The following LDB2 variants were observed in gnomAD, a reference collection of about 807,000 sequenced individuals.
The protein encoded by LDB2 is LIM domain binding 2, also known as LIM domain-binding protein 2.
LDB2 carries 12 observed loss-of-function variants against 44.3 expected under a neutral mutation model. The observed-to-expected ratio is 0.27, with a 90% confidence interval of 0.17 to 0.44. The LOEUF (loss-of-function observed/expected upper bound fraction) is 0.44, where lower values mean the gene tolerates loss of function less well. Ranked by LOEUF, LDB2 falls within the 20% of genes least tolerant of loss-of-function variation. The pLI is 1.00. For synonymous variants in LDB2, 164 were observed against 174.8 expected (o/e 0.94, Z 0.49); for missense variants, 344 against 473.5 (o/e 0.73, Z 2.54).
At chr4:16,536,071 C>T (rs906127836) in intron 5 of LDB2, among the ~76,000 whole-genome samples, 21 of 152,266 alleles carry the variant, frequency 1.4e-4, no homozygotes, top group Admixed American at 5.2e-4. Flanking sequence ...GAAAGCTGGA[C>T]GGAGCACTAG....
rs188909112 is a variant in LDB2 at position 16,530,303 on chromosome 4, G to A, written c.616-18199C>T. Reference sequence around the variant, plus strand: ...CCTTTTCACCATGCCATGACACATGGTAACACTTTCCCCTTTTCAAATAGG... The same window carrying A: ...CCTTTTCACCATGCCATGACACATGATAACACTTTCCCCTTTTCAAATAGG... On this transcript the variant is annotated intron_variant, in intron 5 of 7. Coordinates refer to ENST00000304523, the MANE Select transcript of LDB2 (RefSeq NM_001290.5). 1.7e-4 allele frequency among the ~76,000 whole-genome samples: 26 copies of A among 152,294 alleles called. No individual in the cohort carries two copies. The East Asian group carries it at 5.0e-3, about 29-fold the overall frequency.
chr4:16,645,721 T>C (rs1157969440), intron 2 of LDB2, among the ~76,000 whole-genome samples: 1 of 152,094 alleles, frequency 6.6e-6, no homozygotes, highest in African/African-American at 2.4e-5. Flanking sequence ...CTTTTTCTAT[T>C]TGGCACATCC....
At chr4:16,596,039 G>A (rs947705608) in intron 2 of LDB2, among the ~76,000 whole-genome samples, 164 bp from the exon 3 acceptor site, 2 of 152,088 alleles carry the variant, frequency 1.3e-5, no homozygotes, top group African/African-American at 4.8e-5. Context: ...CTTCTGGGTT[G>A]CAGTTAATAA....
At chr4:16,722,824 C>CA (rs574890817) in intron 2 of LDB2, among the ~76,000 whole-genome samples, 74 of 152,148 alleles carry the variant, frequency 4.9e-4, no homozygotes, top group African/African-American at 1.7e-3. Context: ...GTCTGTTTGG[C>CA]ATGATGAGAA....
At chr4:16,852,540 T>C (rs545648129) in intron 1 of LDB2, among the ~76,000 whole-genome samples, 1 of 152,326 alleles carries the variant, frequency 6.6e-6, no homozygotes, top group South Asian at 2.1e-4. Flanking sequence ...ACCAATTACA[T>C]ATTCCATTGG....
intron 5 of LDB2, among the ~76,000 whole-genome samples, chr4:16,517,597 T>A (rs1724250458): frequency 6.6e-6 from 1 of 152,098 alleles, no homozygotes; most frequent in Admixed American, 6.6e-5. Flanking sequence ...CCATGAGGAA[T>A]CCCAGGACGC....
chr4:16,543,485 T>C (rs1560421164), intron 5 of LDB2, among the ~76,000 whole-genome samples: 1 of 152,250 alleles, frequency 6.6e-6, no homozygotes, highest in Non-Finnish European at 1.5e-5. Context: ...TGAGATGGTA[T>C]CTCATTGTGG....
At chr4:16,839,231 G>T (rs1312202478) in intron 1 of LDB2, among the ~76,000 whole-genome samples, 1 of 152,172 alleles carries the variant, frequency 6.6e-6, no homozygotes. Flanking sequence ...TCATAATTCT[G>T]CTGGCTAGAA....
intron 5 of LDB2, among the ~76,000 whole-genome samples, chr4:16,557,375 G>A (rs186186079): frequency 1.9e-4 from 29 of 152,306 alleles, no homozygotes; most frequent in East Asian, 5.8e-4. Flanking sequence ...GCACTTTTCC[G>A]ACGGGCTTAA....
intron 1 of LDB2, among the ~76,000 whole-genome samples, chr4:16,802,807 A>T (rs1421028933): frequency 1.3e-5 from 2 of 152,124 alleles, no homozygotes; most frequent in Non-Finnish European, 2.9e-5. Flanking sequence ...AGTTTATGTG[A>T]GAGGCTCTAA....
At chr4:16,725,035 T>C (rs926579742) in intron 2 of LDB2, among the ~76,000 whole-genome samples, 3 of 152,166 alleles carry the variant, frequency 2.0e-5, no homozygotes, top group Non-Finnish European at 4.4e-5. Flanking sequence ...CCGAAACTAG[T>C]AACTCCAATT....
At chr4:16,503,785 A>C (rs1436056498) in intron 7 of LDB2, among the ~76,000 whole-genome samples, 1 of 151,984 alleles carries the variant, frequency 6.6e-6, no homozygotes, top group Non-Finnish European at 1.5e-5. Context: ...CCATCTAATC[A>C]CTCTTTTAAG....
intron 1 of LDB2, among the ~76,000 whole-genome samples, chr4:16,879,993 C>T (rs551144293): frequency 3.9e-5 from 6 of 152,286 alleles, no homozygotes; most frequent in African/African-American, 9.6e-5. Flanking sequence ...CAGCCAACCA[C>T]ATCCTATTCC....
intron 2 of LDB2, among the ~76,000 whole-genome samples, chr4:16,612,869 T>C (rs1346361364): frequency 3.3e-5 from 5 of 152,184 alleles, no homozygotes; most frequent in African/African-American, 1.2e-4. Context: ...GGCATCATCC[T>C]GATACCCAAA....
intron 1 of LDB2, among the ~76,000 whole-genome samples, chr4:16,865,720 TG>T (rs1338019368): frequency 2.6e-5 from 4 of 152,234 alleles, no homozygotes; most frequent in African/African-American, 7.2e-5. Flanking sequence ...ACAGTCACTC[TG>T]GGGATAATCC....
chr4:16,568,013 G>T (rs1311799545), intron 5 of LDB2, among the ~76,000 whole-genome samples: 1 of 152,084 alleles, frequency 6.6e-6, no homozygotes, highest in Non-Finnish European at 1.5e-5. Context: ...AGAACCAAGT[G>T]GTGGCCTGTT....
chr4:16,772,729 C>A (rs543069905), intron 1 of LDB2, among the ~76,000 whole-genome samples: 2 of 151,978 alleles, frequency 1.3e-5, no homozygotes, highest in African/African-American at 2.4e-5. Context: ...TAGAAAAAAA[C>A]ACACACACAA....
At chr4:16,716,726 C>T (rs915162415) in intron 2 of LDB2, among the ~76,000 whole-genome samples, 4 of 152,112 alleles carry the variant, frequency 2.6e-5, no homozygotes, top group African/African-American at 4.8e-5. Context: ...CATCCCATAC[C>T]GTACCCTAGA....
At chr4:16,570,293 C>T (rs998820018) in intron 5 of LDB2, among the ~76,000 whole-genome samples, 6 of 151,030 alleles carry the variant, frequency 4.0e-5, no homozygotes. Flanking sequence ...GAAACCCCAT[C>T]TCTACTAAAA....
Sources: gnomAD v4.1 joint callset for allele counts (sites outside exome capture counted in the v4.1 genomes callset) on GRCh38, gnomAD v4.1.1 for gene constraint, MANE v1.5 for transcripts, NCBI Gene and HGNC (gene_info 2026-07-23, HGNC 2026-07-21) for gene names.